The following EYA4 variants were observed in gnomAD, a reference collection of about 807,000 sequenced individuals.
EYA4 encodes the protein EYA transcriptional coactivator and phosphatase 4.
Under a neutral mutation model 87.9 loss-of-function variants are expected in EYA4, and 31 were observed. The observed-to-expected ratio is 0.35, with a 90% CI of 0.27 to 0.48. The LOEUF (loss-of-function observed/expected upper bound fraction) is 0.48. Among genes scored for constraint, EYA4 ranks in the 20% least tolerant of loss-of-function variants. The pLI is 0.99. For synonymous variants in EYA4, 263 were observed against 270.6 expected (o/e 0.97, Z 0.28); for missense variants, 678 against 761.4 (o/e 0.89, Z 1.29).
chr6:133,345,384 TAGTA>T (rs1416308083), intron 2 of EYA4, among the ~76,000 whole-genome samples: 2 of 152,298 alleles, frequency 1.3e-5, no homozygotes, highest in Middle Eastern at 3.4e-3. Flanking sequence ...GGAGTATGCG[TAGTA>T]AGTATGATGT....
chr6:133,525,253 A>G lies in EYA4; in HGVS notation c.1838A>G (p.Lys613Arg), dbSNP rs1800541402. 3.1e-6 allele frequency: 5 copies of G among 1,611,732 alleles called. No individual in the cohort carries two copies. Among genetic ancestry groups the G allele is most frequent in the East Asian group, 2.2e-5 (1 of 44,860 alleles). Residue 613 changes from lysine (K) to arginine (R), a missense_variant and splice_region_variant, in exon 19 of 20, where the codon AAG (lysine) becomes AGG (arginine). By Grantham distance (26) the Lys-to-Arg change is conservative. Coordinates refer to ENST00000355286, the MANE Select transcript of EYA4 (RefSeq NM_004100.5). ...DGVEEEQAAK[K>R]HNMPFWRISS... ...GTAGAAGAAGAACAGGCAGCAAAAA[A>G]GGTAACCTGTCTCAAACAATGTCGG...
chr6:133,513,519 A>G (rs1799337536), intron 16 of EYA4, among the ~76,000 whole-genome samples: 1 of 152,226 alleles, frequency 6.6e-6, no homozygotes, highest in African/African-American at 2.4e-5. Flanking sequence ...TATCTTTTAA[A>G]AAAATCATGT....
chr6:133,414,532 A>G (rs1166752525), intron 3 of EYA4, among the ~76,000 whole-genome samples: 1 of 152,208 alleles, frequency 6.6e-6, no homozygotes, highest in Non-Finnish European at 1.5e-5. Flanking sequence ...GAGATACAGC[A>G]TTGGCATGGA....
chr6:133,385,389 CTCTGTGTGTGTG>C lies in EYA4; in HGVS notation c.83+2950_83+2961del, dbSNP rs1380390669. Among the ~76,000 whole-genome samples the C allele has an allele frequency of 2.9e-4, 19 of 64,974 alleles. 1 individual carries two copies. The highest frequency in any genetic ancestry group is 4.6e-4 in the African/African-American group (12 of 26,134). The allele number at this position is 64,974 out of a possible 152,430, so 42.6% of individuals were successfully genotyped here. On this transcript the variant is annotated intron_variant, in intron 3 of 19. Transcript: ENST00000355286. ...TCCTCTGTGTGTGTATGTATGCTCTCTCTGTGTGTGTGTGTGTGTGTGTGTGTGTGTGTGTGT... is the reference window on the plus strand; with the variant it reads ...TCCTCTGTGTGTGTATGTATGCTCTCTGTGTGTGTGTGTGTGTGTGTGTGT...
chr6:133,348,164 C>T (rs1783339856), intron 2 of EYA4, among the ~76,000 whole-genome samples: 1 of 151,916 alleles, frequency 6.6e-6, no homozygotes. Context: ...AGTTTTCTAC[C>T]CATTCTTGCT....
chr6:133,274,425 A>G (rs1001538823), intron 1 of EYA4, among the ~76,000 whole-genome samples: 1 of 152,212 alleles, frequency 6.6e-6, no homozygotes, highest in East Asian at 1.9e-4. Flanking sequence ...CTCCCTCAGT[A>G]AAATAGTGTA....
rs1316462189 is a variant in EYA4 at position 133,388,317 on chromosome 6, G to C, written c.83+5876G>C. 3.3e-5 allele frequency among the ~76,000 whole-genome samples: 5 copies of C among 150,956 alleles called. No individual in the cohort carries two copies. In the East Asian group the frequency reaches 9.7e-4, roughly 29 times the overall value. On this transcript the variant is annotated intron_variant, in intron 3 of 19. Coordinates refer to ENST00000355286, the MANE Select transcript of EYA4 (RefSeq NM_004100.5). ...AGCTACTTGGGAGGCTGAGGCACGA[G>C]AATCGCTTGAACCTGGGGGGCGGAG...
intron 3 of EYA4, among the ~76,000 whole-genome samples, chr6:133,395,596 C>T (rs1437227782): frequency 6.6e-6 from 1 of 152,054 alleles, no homozygotes; most frequent in Non-Finnish European, 1.5e-5. Flanking sequence ...CCCATCTCTA[C>T]TAAAAATACA....
At chr6:133,295,908 G>A (rs1778908582) in intron 2 of EYA4, among the ~76,000 whole-genome samples, 1 of 152,156 alleles carries the variant, frequency 6.6e-6, no homozygotes, top group African/African-American at 2.4e-5. Flanking sequence ...TTATATTCTA[G>A]TGAAGGAAAT....
rs115535706 is a variant in EYA4, at chr6:133,491,379, G to A, written c.1191+8264G>A. ...CAACAAAATTAAAAGTTGGTTTTTT[G>A]AAAAGATAAACAAAATAGACAAATC... is the stretch of plus-strand genomic sequence containing the variant. On this transcript the variant is annotated intron_variant, in intron 13 of 19. Transcript: ENST00000355286. Among the ~76,000 whole-genome samples, 1,125 of 152,006 alleles carry A rather than the reference G, an allele frequency of 7.4e-3. 16 individuals carry two copies. The highest frequency in any genetic ancestry group is 0.025 in the African/African-American group (1,051 of 41,532).
chr6:133,380,363 A>G (rs1178647116), intron 2 of EYA4, among the ~76,000 whole-genome samples: 1 of 152,134 alleles, frequency 6.6e-6, no homozygotes, highest in Admixed American at 6.6e-5. Context: ...TACTGTTACT[A>G]CTTTGAGAAT....
Position 133,468,600 on chromosome 6 carries a change from A to G in EYA4, c.839A>G (p.Gln280Arg). The change falls in exon 11 of 20, where the codon CAG becomes CGG. Residue 280 changes from glutamine (Q) to arginine (R), a missense_variant. Gln to Arg is a conservative substitution (Grantham distance 43). Coordinates refer to ENST00000355286, the MANE Select transcript of EYA4 (RefSeq NM_004100.5). ...TCCTATACAGCCTTTGGCCAAAACC[A>G]GTATGCACAGTATTATTCAGCATCA... is the stretch of plus-strand genomic sequence containing the variant. ...YPSYTAFGQN[Q>R]YAQYYSASTY... 6.2e-7 allele frequency: 1 copy of G among 1,612,680 alleles called. No homozygotes were observed. Among genetic ancestry groups the G allele is most frequent in the Non-Finnish European group, 8.5e-7 (1 of 1,178,956 alleles).
chr6:133,444,666 C>G (rs1371637002), intron 3 of EYA4, among the ~76,000 whole-genome samples: 1 of 152,166 alleles, frequency 6.6e-6, no homozygotes. Flanking sequence ...TAGATGAGGG[C>G]TGCCCTCAGA....
At chr6:133,364,512 T>C (rs565702508) in intron 2 of EYA4, among the ~76,000 whole-genome samples, 1 of 152,342 alleles carries the variant, frequency 6.6e-6, no homozygotes, top group African/African-American at 2.4e-5. Context: ...GACTTGGGGC[T>C]CCTGCCAATA....
At chr6:133,453,448 C>T (rs1562439605) in intron 5 of EYA4, among the ~76,000 whole-genome samples, 1 of 151,996 alleles carries the variant, frequency 6.6e-6, no homozygotes, top group Non-Finnish European at 1.5e-5. Context: ...AATACTTCTT[C>T]GTATTCTAAC....
chr6:133,324,125 A>G (rs1039546201), intron 2 of EYA4, among the ~76,000 whole-genome samples: 2 of 152,192 alleles, frequency 1.3e-5, no homozygotes, highest in African/African-American at 2.4e-5. Flanking sequence ...TATAATGCAT[A>G]TATATTCTCC....
chr6:133,524,464 C>T (rs1476700102), intron 18 of EYA4, among the ~76,000 whole-genome samples: 5 of 152,232 alleles, frequency 3.3e-5, no homozygotes, highest in Admixed American at 2.6e-4. Flanking sequence ...AGAAATTCCA[C>T]GGTGATGTTC....
intron 17 of EYA4, among the ~76,000 whole-genome samples, chr6:133,522,291 T>C (rs906843074): frequency 9.4e-5 from 14 of 148,936 alleles, no homozygotes; most frequent in African/African-American, 3.2e-4. Context: ...TTAACTATTA[T>C]TCCCACCTCC....
chr6:133,439,049 C>CAAAAAAAAAAAAAAAAAAAAAAAAAAAAA (rs56261819), intron 3 of EYA4, among the ~76,000 whole-genome samples: 16 of 64,032 alleles, frequency 2.5e-4, no homozygotes, highest in Admixed American at 5.2e-4. Context: ...GACTCCGTCT[C>CAAAAAAAAAAAAAAAAAAAAAAAAAAAAA]AAAAAAAAAA....
Sources: allele counts gnomAD v4.1 joint callset (sites outside exome capture counted in the v4.1 genomes callset), GRCh38; gene constraint gnomAD v4.1.1; transcripts MANE v1.5; gene names NCBI Gene and HGNC (gene_info 2026-07-23, HGNC 2026-07-21).